The following KIF23 variants were observed in gnomAD, a reference collection of about 807,000 sequenced individuals.
KIF23 encodes kinesin family member 23.
Under a neutral mutation model 137.5 loss-of-function variants are expected in KIF23, and 30 were observed. The ratio of observed to expected loss-of-function variants is 0.22; its 90% CI spans 0.16 to 0.30. KIF23 has a LOEUF of 0.30. Ranked by LOEUF, KIF23 falls within the 10% of genes least tolerant of loss-of-function variation. The pLI is 1.00. For missense variants in KIF23, 920 were observed against 1,194.3 expected (o/e 0.77, Z 3.38); for synonymous variants, 367 against 391.1 (o/e 0.94, Z 0.73).
intron 17 of KIF23, 24 bp downstream of exon 17, chr15:69,440,101 T>C (rs1287441875): frequency 1.0e-5 from 16 of 1,601,616 alleles, no homozygotes; most frequent in Non-Finnish European, 1.3e-5. Context: ...GGGTAGTGCT[T>C]GTCTCAGAGT....
intron 11 of KIF23, chr15:69,434,455 A>G: frequency 2.0e-6 from 1 of 501,596 alleles, no homozygotes. Flanking sequence ...AAACTTGTTA[A>G]GAGATGCCTC....
At position 69,444,541 on chromosome 15, in the gene KIF23, A is replaced by G. The variant is rs2057701635; in HGVS notation, c.2422-249A>G. 8.9e-6 allele frequency: 4 copies of G among 448,360 alleles called. No individual in the cohort carries two copies. Among genetic ancestry groups the G allele is most frequent in the Non-Finnish European group, 1.6e-5 (4 of 252,118 alleles). The allele number at this position is 448,360 out of a possible 1,614,324, so 27.8% of individuals were successfully genotyped here. On this transcript the variant is annotated intron_variant, in intron 19 of 23. Transcript: ENST00000679126. The surrounding 1 kb of genome is among the most constrained non-coding windows in gnomAD (Gnocchi z 4.2). ...CCCCCAAGCAGGAAAGACTTGCAGC[A>G]TTACCAGAATTTTTTCTTTTATCCT...
At chr15:69,440,579 ATACT>A (rs2057591618) in intron 18 of KIF23, 92 bp downstream of exon 18, 1 of 1,267,304 alleles carries the variant, frequency 7.9e-7, no homozygotes, top group Admixed American at 2.7e-5. Context: ...ACATTTTATA[ATACT>A]TACATTTCTG....
At chr15:69,416,705 A>G (rs1272302344) in intron 2 of KIF23, among the ~76,000 whole-genome samples, 1 of 152,156 alleles carries the variant, frequency 6.6e-6, no homozygotes, top group Non-Finnish European at 1.5e-5. Flanking sequence ...CTGTAATCCC[A>G]GCACTTTGGG....
At chr15:69,435,010 A>G (rs545953662) in intron 11 of KIF23, 204 of 598,542 alleles carry the variant, frequency 3.4e-4, no homozygotes, top group Non-Finnish European at 4.9e-4. Context: ...GACTCGCTCA[A>G]CACCGCGTTG....
At chr15:69,426,876 C>T (rs1282159991) in intron 10 of KIF23, among the ~76,000 whole-genome samples, 5 of 152,144 alleles carry the variant, frequency 3.3e-5, no homozygotes, top group Non-Finnish European at 5.9e-5. Context: ...TTGTGCTGAC[C>T]ATGTACAGAC....
Position 69,440,097 on chromosome 15 carries a change from T to C in KIF23, c.1929+20T>C. On this transcript the variant is annotated intron_variant, in intron 17 of 23. Coordinates refer to ENST00000679126, the MANE Select transcript of KIF23 (RefSeq NM_001367805.3). The stretch of plus-strand genomic sequence containing the variant: ...GAATGTGTGAGTATCGTTTGGGTAG[T>C]GCTTGTCTCAGAGTCGGATGATTTA... The C allele has an allele frequency of 6.2e-7, 1 of 1,605,046 alleles. No individual in the cohort carries two copies. Among genetic ancestry groups the C allele is most frequent in the Non-Finnish European group, 8.5e-7 (1 of 1,175,906 alleles).
At position 69,444,754 on chromosome 15, in the gene KIF23, C is replaced by T. The variant is rs758874934; in HGVS notation, c.2422-36C>T. On this transcript the variant is annotated intron_variant, in intron 19 of 23. Transcript: ENST00000679126. The surrounding 1 kb of genome is among the most constrained non-coding windows in gnomAD (Gnocchi z 4.2). ...CAAACCTGCTGCACTTCTAATAATA[C>T]CCTTAAATTAATTCTGGGTTATGCT... 1 of 1,602,420 alleles carries T rather than the reference C, an allele frequency of 6.2e-7. No homozygotes were observed.
intron 10 of KIF23, chr15:69,427,604 C>T (rs1296510187): frequency 2.1e-5 from 8 of 378,606 alleles, no homozygotes; most frequent in Admixed American, 3.3e-5. Context: ...ATCTCTTGGT[C>T]GATAGGCCAG....
chr15:69,437,609 C>A (rs2140387115), intron 15 of KIF23, among the ~76,000 whole-genome samples: 1 of 151,918 alleles, frequency 6.6e-6, no homozygotes, highest in African/African-American at 2.4e-5. Context: ...TATAGGTGCA[C>A]ACCACCACGC....
intron 6 of KIF23, 110 bp from the exon 7 acceptor site, chr15:69,423,049 T>A: frequency 1.4e-6 from 1 of 716,074 alleles, no homozygotes; most frequent in Non-Finnish European, 2.4e-6. Flanking sequence ...TCCGCCTGCC[T>A]CGGCCTCCCA....
chr15:69,414,827 G>T, intron 1 of KIF23: 1 of 266,542 alleles, frequency 3.8e-6, no homozygotes, highest in Admixed American at 5.4e-5. Flanking sequence ...TCCCTCGCTG[G>T]CTGCCGCCGC....
In KIF23 at chr15:69,439,900, C is replaced by T; in HGVS notation, c.1756-4C>T. The T allele has an allele frequency of 6.2e-7, 1 of 1,606,738 alleles. No individual in the cohort carries two copies. Among genetic ancestry groups the T allele is most frequent in the South Asian group, 1.1e-5 (1 of 90,140 alleles). ...ATATTGAACATAGTGGTCTACCTTCCTAGATTGAGATTTTAGAGAAAACAA... is the reference window on the plus strand; with the variant it reads ...ATATTGAACATAGTGGTCTACCTTCTTAGATTGAGATTTTAGAGAAAACAA... On this transcript the variant is annotated splice_region_variant and splice_polypyrimidine_tract_variant and intron_variant, in intron 16 of 23. Coordinates refer to ENST00000679126, the MANE Select transcript of KIF23 (RefSeq NM_001367805.3).
At chr15:69,427,433 T>G in intron 10 of KIF23, 1 of 456,060 alleles carries the variant, frequency 2.2e-6, no homozygotes, top group Non-Finnish European at 4.4e-6. Context: ...TTTGCAAATC[T>G]TTAAAAATCC....
rs533230898 is a variant in KIF23 at position 69,414,570 on chromosome 15, C to A, written c.11+94C>A. On this transcript the variant is annotated intron_variant, in intron 1 of 23. Transcript: ENST00000679126. Reference sequence around the variant, plus strand: ...CGTCTCCACTCAGGCCGCGGCCGTACGCGGGCAGCGCGGACAGCATCCCGC... The same window carrying A: ...CGTCTCCACTCAGGCCGCGGCCGTAAGCGGGCAGCGCGGACAGCATCCCGC... The A allele has an allele frequency of 2.1e-4, 261 of 1,234,790 alleles. 1 individual carries two copies. Among genetic ancestry groups the A allele is most frequent in the Non-Finnish European group, 2.5e-4 (239 of 963,596 alleles). 76.5% of individuals were successfully genotyped at this position (1,234,790 alleles called of 1,614,324 possible).
At chr15:69,442,486 G>A (rs1031481004) in intron 19 of KIF23, among the ~76,000 whole-genome samples, 1 of 152,118 alleles carries the variant, frequency 6.6e-6, no homozygotes, top group African/African-American at 2.4e-5. Context: ...TCTTATATAA[G>A]TCAGGGTATA....
chr15:69,434,253 G>A (rs1040369050), intron 11 of KIF23, among the ~76,000 whole-genome samples: 2 of 152,188 alleles, frequency 1.3e-5, no homozygotes, highest in East Asian at 1.9e-4. Context: ...TTTTTCCGAA[G>A]CACCAGAAGT....
In KIF23 at chr15:69,422,372, T is replaced by C. The variant is rs752126240; in HGVS notation, c.500T>C (p.Val167Ala). Residue 167 changes from valine (V) to alanine (A), a missense_variant, in exon 6 of 24, where the codon GTT becomes GCT. Physicochemically the swap from Val to Ala is moderately conservative, Grantham distance 64. Coordinates refer to ENST00000679126, the MANE Select transcript of KIF23 (RefSeq NM_001367805.3). ...DRNSMDIQCE[V>A]DALLERQKRE... ...AATAGTATGGATATACAGTGTGAGG[T>C]TGATGCCTTATTAGAACGTCAGAAA... is the stretch of plus-strand genomic sequence containing the variant. The C allele has an allele frequency of 1.7e-5, 28 of 1,611,610 alleles. No individual in the cohort carries two copies. The highest frequency in any genetic ancestry group is 1.2e-4 in the African/African-American group (9 of 74,774).
At chr15:69,414,692 G>A in intron 1 of KIF23, 1 of 449,708 alleles carries the variant, frequency 2.2e-6, no homozygotes. Context: ...GTCGCCCCCC[G>A]CCGCCCCGCC....
Sources: gnomAD v4.1 joint callset for allele counts (sites outside exome capture counted in the v4.1 genomes callset) on GRCh38, gnomAD v4.1.1 for gene constraint, Gnocchi (gnomAD v3.1) non-coding constraint, MANE v1.5 for transcripts, NCBI Gene and HGNC (gene_info 2026-07-23, HGNC 2026-07-21) for gene names.